Variants in TRAF3IP1 observed in about 807,000 individuals in gnomAD.
TRAF3IP1 encodes the protein intraflagellar transport 54, also known as TRAF3-interacting protein 1.
TRAF3IP1 carries 53 observed loss-of-function variants against 89.9 expected under a neutral mutation model. The ratio of observed to expected loss-of-function variants is 0.59; its 90% CI spans 0.47 to 0.74. The LOEUF is 0.74. Among genes scored for constraint, TRAF3IP1 ranks in the 30% least tolerant of loss-of-function variants. TRAF3IP1 has a pLI of 0.00. For synonymous variants in TRAF3IP1, 311 were observed against 322.1 expected (o/e 0.97, Z 0.37); for missense variants, 806 against 866.1 (o/e 0.93, Z 0.87).
rs1162044628 is a variant in TRAF3IP1 at position 238,376,032 on chromosome 2, G to A, written c.1689+19952G>A. ...TCTTTCTGTGTTCTCTGCCCCAGAGGTTAGCAAACTTTTTCCGTAAAAGGT... is the reference window on the plus strand; with the variant it reads ...TCTTTCTGTGTTCTCTGCCCCAGAGATTAGCAAACTTTTTCCGTAAAAGGT... On this transcript the variant is annotated intron_variant, in intron 15 of 16. Transcript: ENST00000373327. Among the ~76,000 whole-genome samples the A allele has an allele frequency of 2.6e-5, 4 of 152,122 alleles. No homozygotes were observed. In the East Asian group the frequency reaches 7.7e-4, roughly 29 times the overall value.
At chr2:238,360,356 A>G (rs55667075) in intron 15 of TRAF3IP1, among the ~76,000 whole-genome samples, 38,769 of 152,044 alleles carry the variant, frequency 0.25, 6,106 homozygotes, top group Middle Eastern at 0.45. Context: ...GCTGGGTGCT[A>G]TGGCTCACAC....
chr2:238,352,767 A>C, intron 12 of TRAF3IP1, 60 bp from the exon 13 acceptor site: 1 of 1,521,930 alleles, frequency 6.6e-7, no homozygotes, highest in Non-Finnish European at 8.9e-7. Context: ...ACACAGTTTC[A>C]GATGCTTGGG....
At chr2:238,352,692 G>C in intron 12 of TRAF3IP1, 135 bp from the exon 13 acceptor site, 1 of 858,194 alleles carries the variant, frequency 1.2e-6, no homozygotes, top group Non-Finnish European at 1.8e-6. Context: ...AGCTTCAGCG[G>C]GTAGCTTGAG....
rs1559366422 is a variant in TRAF3IP1, at chr2:238,344,497, GA to G, written c.1162del (p.Thr388GlnfsTer107). Reference protein sequence around the residue: ...PNQETTTSEIGTKEANINSTS... With the variant: ...PNQETTTSEIXTKEANINSTS... ...CTAATTTTAAACTGTTTTATGTCAG[GA>G]ACAAAAGAAGCTAATATTAACTCAA... On this transcript the variant is annotated frameshift_variant and splice_region_variant, in exon 9 of 17. Coordinates refer to ENST00000373327, the MANE Select transcript of TRAF3IP1 (RefSeq NM_015650.4). LOFTEE classifies it high-confidence loss of function. The G allele has an allele frequency of 1.2e-6, 2 of 1,613,374 alleles. No individual in the cohort carries two copies. The highest frequency in any genetic ancestry group is 2.2e-5 in the South Asian group (2 of 91,060).
chr2:238,397,388 G>A (rs1352294585), intron 15 of TRAF3IP1, 71 bp from the exon 16 acceptor site: 2 of 1,387,632 alleles, frequency 1.4e-6, no homozygotes, highest in Admixed American at 3.4e-5. Flanking sequence ...GCCGTGTGCT[G>A]AGTGCACCGG....
intron 1 of TRAF3IP1, among the ~76,000 whole-genome samples, chr2:238,322,737 G>GAT (rs1379568892): frequency 1.4e-5 from 2 of 145,674 alleles, no homozygotes; most frequent in African/African-American, 5.1e-5. Flanking sequence ...TGGCCAGGTA[G>GAT]ATAGGGTGTG....
chr2:238,393,758 C>T (rs1023050941), intron 15 of TRAF3IP1, among the ~76,000 whole-genome samples: 24 of 152,220 alleles, frequency 1.6e-4, no homozygotes, highest in African/African-American at 5.8e-4. Flanking sequence ...AAAGCTCTCT[C>T]TGCCACTAAA....
Position 238,358,113 on chromosome 2 carries a change from A to AT in TRAF3IP1, c.1689+2048dup, listed in dbSNP as rs11295600. Among the ~76,000 whole-genome samples the AT allele has an allele frequency of 7.4e-3, 1,065 of 143,274 alleles. 3 individuals are homozygous for AT. The highest frequency in any genetic ancestry group is 0.012 in the South Asian group (52 of 4,506). The allele number at this position is 143,274 out of a possible 152,430, so 94.0% of individuals were successfully genotyped here. Reference sequence around the variant, plus strand: ...GGTCTTCTTAAAACATTTTTGTTACATTTTTTTTTTTTTTTGAGTCAGAAT... The same window carrying AT: ...GGTCTTCTTAAAACATTTTTGTTACATTTTTTTTTTTTTTTTGAGTCAGAAT... On this transcript the variant is annotated intron_variant, in intron 15 of 16. Coordinates refer to ENST00000373327, the MANE Select transcript of TRAF3IP1 (RefSeq NM_015650.4).
intron 10 of TRAF3IP1, 70 bp from the exon 11 acceptor site, chr2:238,348,694 A>G (rs1482959609): frequency 1.5e-6 from 2 of 1,320,956 alleles, no homozygotes; most frequent in Non-Finnish European, 2.2e-6. Context: ...ACAGATGCAA[A>G]TAGTATTTTC....
chr2:238,330,598 C>T (rs1329791364), intron 5 of TRAF3IP1, among the ~76,000 whole-genome samples: 1 of 152,224 alleles, frequency 6.6e-6, no homozygotes, highest in Non-Finnish European at 1.5e-5. Context: ...GGACAGCCAT[C>T]TTGTCTTGTG....
At chr2:238,348,872 C>G (rs1345812917) in intron 11 of TRAF3IP1, 24 bp downstream of exon 11, 1 of 1,604,048 alleles carries the variant, frequency 6.2e-7, no homozygotes, top group African/African-American at 1.3e-5. Flanking sequence ...GAATCCCTTT[C>G]CCTCAGCAGA....
chr2:238,354,512 G>A (rs1352589482), intron 14 of TRAF3IP1, among the ~76,000 whole-genome samples: 1 of 152,150 alleles, frequency 6.6e-6, no homozygotes, highest in Non-Finnish European at 1.5e-5. Context: ...CTGGCTCCCA[G>A]CAGCAGCGGC....
At chr2:238,390,259 G>A (rs554655414) in intron 15 of TRAF3IP1, among the ~76,000 whole-genome samples, 4 of 152,310 alleles carry the variant, frequency 2.6e-5, no homozygotes, top group East Asian at 3.9e-4. Context: ...AAAAGGTGCC[G>A]TGGGTGGTTC....
Position 238,342,690 on chromosome 2 carries a change from ATT to A in TRAF3IP1, c.1160-1799_1160-1798del, listed in dbSNP as rs948005996. ...CCGCCAAACTTATGTTTATTTTTAG[ATT>A]TTTTTTTGTTAAGAACTTAATATTT... is the stretch of plus-strand genomic sequence containing the variant. On this transcript the variant is annotated intron_variant, in intron 8 of 16. Coordinates refer to ENST00000373327, the MANE Select transcript of TRAF3IP1 (RefSeq NM_015650.4). Among the ~76,000 whole-genome samples, 3 of 151,490 alleles carry A rather than the reference ATT, an allele frequency of 2.0e-5. No individual in the cohort carries two copies. The South Asian group carries it at 6.3e-4, about 32-fold the overall frequency.
intron 15 of TRAF3IP1, among the ~76,000 whole-genome samples, chr2:238,381,785 A>T (rs981377653): frequency 6.6e-6 from 1 of 152,236 alleles, no homozygotes; most frequent in Non-Finnish European, 1.5e-5. Flanking sequence ...AGGAAAGCTC[A>T]TCGTGGGCAT....
At chr2:238,392,950 C>T (rs568402414) in intron 15 of TRAF3IP1, among the ~76,000 whole-genome samples, 129 of 152,302 alleles carry the variant, frequency 8.5e-4, no homozygotes, top group African/African-American at 3.0e-3. Flanking sequence ...AATTACCTAT[C>T]GAAGGACACG....
chr2:238,354,871 C>T (rs1446823896), intron 14 of TRAF3IP1, among the ~76,000 whole-genome samples: 5 of 151,700 alleles, frequency 3.3e-5, no homozygotes, highest in Non-Finnish European at 5.9e-5. Flanking sequence ...AGGCTGGTCT[C>T]GAACTCCTGA....
chr2:238,326,618 T>G (rs1285825381), intron 3 of TRAF3IP1, among the ~76,000 whole-genome samples: 1 of 152,104 alleles, frequency 6.6e-6, no homozygotes, highest in Non-Finnish European at 1.5e-5. Flanking sequence ...TTGGAGAAGG[T>G]CTTTCCCCAG....
In TRAF3IP1 at chr2:238,351,982, T is replaced by C. The variant is rs1699193879; in HGVS notation, c.1452-845T>C. Among the ~76,000 whole-genome samples, 1 of 151,796 alleles carries C rather than the reference T, an allele frequency of 6.6e-6. No individual in the cohort carries two copies. The highest frequency in any genetic ancestry group is 1.5e-5 in the Non-Finnish European group (1 of 67,966). Reference sequence around the variant, plus strand: ...TAACGGGGCAGGGGGAGTTAGGTGATTGCTTAAAGCACAAGTGTGTAGGGA... The same window carrying C: ...TAACGGGGCAGGGGGAGTTAGGTGACTGCTTAAAGCACAAGTGTGTAGGGA... On this transcript the variant is annotated intron_variant, in intron 12 of 16. Coordinates refer to ENST00000373327, the MANE Select transcript of TRAF3IP1 (RefSeq NM_015650.4). This position sits in a 1 kb window ranked among gnomAD's most constrained non-coding sequence, Gnocchi z 5.2.
Sources: gnomAD v4.1 joint callset for allele counts (sites outside exome capture counted in the v4.1 genomes callset) on GRCh38, gnomAD v4.1.1 for gene constraint, Gnocchi (gnomAD v3.1) non-coding constraint, MANE v1.5 for transcripts, NCBI Gene and HGNC (gene_info 2026-07-23, HGNC 2026-07-21) for gene names.